Variants in SAMD12 observed in about 807,000 individuals in gnomAD.
SAMD12 encodes the protein sterile alpha motif domain-containing protein 12.
Under a neutral mutation model 15.0 loss-of-function variants are expected in SAMD12, and 9 were observed. The ratio of observed to expected loss-of-function variants is 0.60; its 90% CI spans 0.36 to 1.05. The LOEUF is 1.05. SAMD12 is among the 50% of genes least tolerant of loss of function. The pLI, the probability that SAMD12 is intolerant of heterozygous loss-of-function variation, is 0.01. For missense variants in SAMD12, 230 were observed against 234.2 expected, an observed-to-expected ratio of 0.98 and a Z score of 0.12; for synonymous variants, 86 against 90.1, an observed-to-expected ratio of 0.96 and a Z score of 0.25.
At chr8:118,322,564 T>C (rs562287199) in intron 4 of SAMD12, among the ~76,000 whole-genome samples, 1 of 152,246 alleles carries the variant, frequency 6.6e-6, no homozygotes, top group East Asian at 1.9e-4. Context: ...CATTTAGCTT[T>C]TCTTCATGTA....
chr8:118,491,611 C>T (rs568981727), intron 2 of SAMD12, among the ~76,000 whole-genome samples: 6 of 152,120 alleles, frequency 3.9e-5, no homozygotes, highest in Non-Finnish European at 8.8e-5. Flanking sequence ...TAATCAATCC[C>T]TACCCCTCAG....
intron 1 of SAMD12, among the ~76,000 whole-genome samples, chr8:118,594,195 A>T (rs905576493): frequency 2.0e-5 from 3 of 152,168 alleles, no homozygotes; most frequent in Admixed American, 6.5e-5. Flanking sequence ...AAGAGGAGAT[A>T]AATATGTGAG....
intron 3 of SAMD12, 32 bp downstream of exon 3, chr8:118,439,800 G>C: frequency 1.2e-6 from 2 of 1,605,042 alleles, no homozygotes; most frequent in Non-Finnish European, 8.5e-7. Flanking sequence ...GAAAGAAAAG[G>C]AGTGAAATAT....
At chr8:118,369,677 T>G (rs1250321066) in intron 4 of SAMD12, among the ~76,000 whole-genome samples, 2 of 151,902 alleles carry the variant, frequency 1.3e-5, no homozygotes, top group Admixed American at 6.6e-5. Flanking sequence ...ATCACGCCAT[T>G]ATACTCCCGC....
chr8:118,453,760 A>G lies in SAMD12; in HGVS notation c.193-13799T>C, dbSNP rs570809591. On this transcript the variant is annotated intron_variant, in intron 2 of 3. Transcript: ENST00000314727. ...GGTCTCAAACTCTTGGGCTCAAACCATTCTCCTGCCTCGGCCTCCCAAAGT... is the reference window on the plus strand; with the variant it reads ...GGTCTCAAACTCTTGGGCTCAAACCGTTCTCCTGCCTCGGCCTCCCAAAGT... 2.6e-5 allele frequency among the ~76,000 whole-genome samples: 4 copies of G among 152,278 alleles called. No homozygotes were observed. In the South Asian group the frequency reaches 6.2e-4, roughly 24 times the overall value.
At chr8:118,171,653 C>T in the SAMD12 span, among the ~76,000 whole-genome samples, 1 of 151,276 alleles carries the variant, frequency 6.6e-6, no homozygotes, top group South Asian at 2.1e-4. Context: ...AGACAGAAAG[C>T]AGGTCAGTGG....
rs1819478426 is a variant in SAMD12, at chr8:118,378,093, A to G, written c.*1324T>C. ...ATGGTTTTTACAAAATTGGGCTTATATTATGCATACAATTTTACACATGAC... is the reference window on the plus strand; with the variant it reads ...ATGGTTTTTACAAAATTGGGCTTATGTTATGCATACAATTTTACACATGAC... On this transcript the variant is annotated 3_prime_UTR_variant, in exon 4 of 4. Coordinates refer to ENST00000314727, the MANE Select transcript of SAMD12 (RefSeq NM_207506.3). The G allele has an allele frequency of 6.6e-6, 1 of 152,220 alleles. No individual in the cohort carries two copies. Among genetic ancestry groups the G allele is most frequent in the Admixed American group, 6.5e-5 (1 of 15,272 alleles). 9.4% of individuals were successfully genotyped at this position (152,220 alleles called of 1,614,324 possible). A position where few individuals can be genotyped will look rare whatever the true frequency, so the allele number is the denominator to read the frequency against.
At chr8:118,603,103 A>T (rs1827898171) in intron 1 of SAMD12, among the ~76,000 whole-genome samples, 1 of 152,188 alleles carries the variant, frequency 6.6e-6, no homozygotes, top group African/African-American at 2.4e-5. Flanking sequence ...AAAAAATAAC[A>T]GATGAAAAAT....
intron 3 of SAMD12, among the ~76,000 whole-genome samples, chr8:118,388,211 A>G (rs1186289033): frequency 6.6e-6 from 1 of 152,144 alleles, no homozygotes; most frequent in Non-Finnish European, 1.5e-5. Flanking sequence ...CGCAGCAAGG[A>G]GTTACTGCTG....
chr8:118,508,970 A>G (rs1825000303), intron 2 of SAMD12, among the ~76,000 whole-genome samples: 1 of 152,212 alleles, frequency 6.6e-6, no homozygotes, highest in African/African-American at 2.4e-5. Flanking sequence ...CTCTATAATA[A>G]CATTTCATAT....
the SAMD12 span, among the ~76,000 whole-genome samples, chr8:118,164,740 T>C: frequency 3.5e-4 from 53 of 151,962 alleles, 1 homozygote; most frequent in African/African-American, 1.1e-3. Flanking sequence ...TTTTAATCTA[T>C]AATAGAGAAA....
At chr8:118,246,144 C>T (rs1034089476) in intron 4 of SAMD12, among the ~76,000 whole-genome samples, 6 of 152,186 alleles carry the variant, frequency 3.9e-5, no homozygotes, top group East Asian at 3.9e-4. Flanking sequence ...TGGCAGGAAA[C>T]GCATGACCAT....
At chr8:118,232,676 C>T (rs944305009) in intron 4 of SAMD12, among the ~76,000 whole-genome samples, 1 of 151,718 alleles carries the variant, frequency 6.6e-6, no homozygotes, top group Non-Finnish European at 1.5e-5. Flanking sequence ...TGCATGTGCA[C>T]GTGTGTGTGT....
At chr8:118,436,488 T>A (rs949672195) in intron 3 of SAMD12, among the ~76,000 whole-genome samples, 11 of 152,214 alleles carry the variant, frequency 7.2e-5, no homozygotes, top group Non-Finnish European at 1.5e-4. Flanking sequence ...ATGTCTTTTT[T>A]ATTTACCGTC....
chr8:118,396,991 G>C (rs1820606553), intron 3 of SAMD12, among the ~76,000 whole-genome samples: 3 of 152,210 alleles, frequency 2.0e-5, no homozygotes, highest in African/African-American at 7.2e-5. Context: ...GGCAATAAAA[G>C]AAAGTGCAAC....
chr8:118,551,793 GA>G (rs1247061659), intron 2 of SAMD12, among the ~76,000 whole-genome samples: 2 of 151,108 alleles, frequency 1.3e-5, no homozygotes, highest in East Asian at 1.9e-4. Context: ...GACTAATAAA[GA>G]AAAAAAGAGA....
At chr8:118,253,119 G>A (rs2130023724) in intron 4 of SAMD12, among the ~76,000 whole-genome samples, 1 of 152,304 alleles carries the variant, frequency 6.6e-6, no homozygotes, top group South Asian at 2.1e-4. Context: ...ATGGAACACT[G>A]TCTGGATATT....
the SAMD12 span, among the ~76,000 whole-genome samples, chr8:118,167,453 T>C: frequency 2.0e-5 from 3 of 152,120 alleles, no homozygotes; most frequent in African/African-American, 7.2e-5. Flanking sequence ...GACTGCTCTG[T>C]GATCAGAATA....
At chr8:118,174,058 T>C in the SAMD12 span, among the ~76,000 whole-genome samples, 3 of 152,190 alleles carry the variant, frequency 2.0e-5, no homozygotes, top group African/African-American at 7.2e-5. Flanking sequence ...ACAGTTCAAA[T>C]CTTGGTCCTG....
Sources: gnomAD v4.1 joint callset for allele counts (sites outside exome capture counted in the v4.1 genomes callset) on GRCh38, gnomAD v4.1.1 for gene constraint, MANE v1.5 for transcripts, NCBI Gene and HGNC (gene_info 2026-07-23, HGNC 2026-07-21) for gene names.